Variants in MINDY3 observed in about 807,000 individuals in gnomAD.
The protein encoded by MINDY3 is ubiquitin carboxyl-terminal hydrolase MINDY-3.
Under a neutral mutation model 69.2 loss-of-function variants are expected in MINDY3, and 38 were observed. That is an observed-to-expected ratio of 0.55 (90% CI 0.42 to 0.72). The LOEUF is 0.72. Ranked by LOEUF, MINDY3 falls within the 30% of genes least tolerant of loss-of-function variation. MINDY3 has a pLI of 0.00. For missense variants in MINDY3, 522 were observed against 519.0 expected, an observed-to-expected ratio of 1.01 and a Z score of -0.06; for synonymous variants, 192 against 180.1, an observed-to-expected ratio of 1.07 and a Z score of -0.53.
In MINDY3 at chr10:15,786,711, A is replaced by G. The variant is rs903778490; in HGVS notation, c.1029-63T>C. On this transcript the variant is annotated intron_variant, in intron 12 of 14. Transcript: ENST00000277632. ...GAAAAAAAAAAGCTGCTTTTCTTTC[A>G]TGATTAAATTACTGGTACTACAACA... The G allele has an allele frequency of 2.7e-5, 27 of 982,768 alleles. No individual in the cohort carries two copies. The Admixed American group carries it at 3.2e-4, about 12-fold the overall frequency. 60.9% of individuals were successfully genotyped at this position (982,768 alleles called of 1,614,324 possible). A position where few individuals can be genotyped will look rare whatever the true frequency, so the allele number is the denominator to read the frequency against.
At chr10:15,849,092 T>C (rs1270718873) in intron 1 of MINDY3, among the ~76,000 whole-genome samples, 1 of 152,176 alleles carries the variant, frequency 6.6e-6, no homozygotes, top group East Asian at 1.9e-4. Flanking sequence ...AATAAACTAA[T>C]GTTATAAGAG....
intron 13 of MINDY3, among the ~76,000 whole-genome samples, chr10:15,786,005 T>C (rs1256763348): frequency 1.3e-5 from 2 of 152,144 alleles, no homozygotes; most frequent in African/African-American, 2.4e-5. Flanking sequence ...GGGTATTGGA[T>C]ATAGAACTGG....
intron 13 of MINDY3, among the ~76,000 whole-genome samples, chr10:15,785,320 G>C (rs1010590073): frequency 6.6e-5 from 10 of 152,162 alleles, no homozygotes; most frequent in African/African-American, 2.4e-4. Flanking sequence ...AAAGAGAAGG[G>C]ACTAGAACCC....
intron 1 of MINDY3, among the ~76,000 whole-genome samples, chr10:15,849,161 C>T (rs1834087421): frequency 6.6e-6 from 1 of 152,190 alleles, no homozygotes; most frequent in Non-Finnish European, 1.5e-5. Context: ...TAACAGATAA[C>T]TTCCAGGCTC....
At chr10:15,787,536 T>C (rs1837067658) in intron 12 of MINDY3, among the ~76,000 whole-genome samples, 1 of 152,162 alleles carries the variant, frequency 6.6e-6, no homozygotes, top group African/African-American at 2.4e-5. Context: ...TCAGTTTGCC[T>C]CTTCGGTCTG....
intron 14 of MINDY3, among the ~76,000 whole-genome samples, chr10:15,781,800 G>GT (rs1836552709): frequency 6.6e-6 from 1 of 152,134 alleles, no homozygotes; most frequent in African/African-American, 2.4e-5. Flanking sequence ...ATTTTTTCCA[G>GT]TAAAAAGTCT....
At chr10:15,816,202 A>C (rs532584581) in intron 10 of MINDY3, among the ~76,000 whole-genome samples, 21 of 146,052 alleles carry the variant, frequency 1.4e-4, no homozygotes, top group Non-Finnish European at 3.0e-4. Context: ...CGTAGGTTGC[A>C]GTGAGGCGAG....
intron 10 of MINDY3, among the ~76,000 whole-genome samples, chr10:15,811,123 C>T (rs1838968931): frequency 1.3e-5 from 2 of 151,808 alleles, no homozygotes; most frequent in Admixed American, 1.3e-4. Context: ...CAAGCTTCGA[C>T]TTCTAAAGGA....
In MINDY3 at chr10:15,789,133, C is replaced by T. The variant is rs1837215035; in HGVS notation, c.1028+114G>A. The T allele has an allele frequency of 6.2e-6, 4 of 640,918 alleles. No individual in the cohort carries two copies. In the South Asian group the frequency reaches 8.4e-5, roughly 13 times the overall value. 39.7% of individuals were successfully genotyped at this position (640,918 alleles called of 1,614,324 possible). A position where few individuals can be genotyped will look rare whatever the true frequency, so the allele number is the denominator to read the frequency against. Reference sequence around the variant, plus strand: ...CTTAATCTTTGCCTTACATAGATTGCTATGCTTCATATATGCAGATATAGA... The same window carrying T: ...CTTAATCTTTGCCTTACATAGATTGTTATGCTTCATATATGCAGATATAGA... On this transcript the variant is annotated intron_variant, in intron 12 of 14. Transcript: ENST00000277632.
chr10:15,809,798 T>C (rs992971256), intron 10 of MINDY3, among the ~76,000 whole-genome samples: 14 of 152,170 alleles, frequency 9.2e-5, no homozygotes, highest in Admixed American at 5.2e-4. Flanking sequence ...CCAGACTCCT[T>C]AGGATACTAT....
rs1171558832 is a variant in MINDY3 at position 15,778,443 on chromosome 10, A to C, written c.*549T>G. 6.6e-6 allele frequency: 1 copy of C among 152,270 alleles called. No homozygotes were observed. The highest frequency in any genetic ancestry group is 1.5e-5 in the Non-Finnish European group (1 of 68,088). The allele number at this position is 152,270 out of a possible 1,614,324, so 9.4% of individuals were successfully genotyped here. A position where few individuals can be genotyped will look rare whatever the true frequency, so the allele number is the denominator to read the frequency against. On this transcript the variant is annotated 3_prime_UTR_variant, in exon 15 of 15. Coordinates refer to ENST00000277632, the MANE Select transcript of MINDY3 (RefSeq NM_024948.4). ...TGAATAAATGGTAATGGTCTCTTAG[A>C]GTTTCTACTTTTTGTGAACATGCCA...
intron 8 of MINDY3, among the ~76,000 whole-genome samples, chr10:15,828,781 C>G (rs143998828): frequency 1.3e-5 from 2 of 152,134 alleles, no homozygotes; most frequent in Non-Finnish European, 2.9e-5. Context: ...GAAAAAAATA[C>G]GTTTACTAAC....
intron 1 of MINDY3, 126 bp from the exon 2 acceptor site, chr10:15,848,069 G>A (rs1340896677): frequency 1.3e-6 from 1 of 743,230 alleles, no homozygotes; most frequent in Non-Finnish European, 2.3e-6. Flanking sequence ...AAATCATGAG[G>A]TGTGGATCAA....
intron 8 of MINDY3, among the ~76,000 whole-genome samples, chr10:15,831,676 T>TC (rs1840470374): frequency 6.9e-6 from 1 of 145,252 alleles, no homozygotes; most frequent in African/African-American, 2.6e-5. Flanking sequence ...TCCTTTTCTT[T>TC]TTTTTTTTTT....
chr10:15,782,050 G>A, intron 14 of MINDY3, 105 bp downstream of exon 14: 4 of 828,760 alleles, frequency 4.8e-6, no homozygotes, highest in East Asian at 5.2e-5. Context: ...GAGACTCCTG[G>A]AATAATCTTA....
chr10:15,803,488 G>A (rs1165376609), intron 10 of MINDY3, among the ~76,000 whole-genome samples: 1 of 152,040 alleles, frequency 6.6e-6, no homozygotes, highest in Non-Finnish European at 1.5e-5. Context: ...TACATAAAAT[G>A]GTTTAGTTAG....
At chr10:15,782,384 C>A (rs746462837) in intron 13 of MINDY3, 158 bp from the exon 14 acceptor site, 8 of 560,306 alleles carry the variant, frequency 1.4e-5, no homozygotes, top group Non-Finnish European at 2.1e-5. Context: ...TTGTAACTAC[C>A]AGAAAGCCCT....
At chr10:15,858,290 T>C (rs75872946) in intron 1 of MINDY3, among the ~76,000 whole-genome samples, 5,373 of 152,296 alleles carry the variant, frequency 0.035, 288 homozygotes, top group African/African-American at 0.12. Flanking sequence ...ATGGTACTGA[T>C]GGAACTAATC....
intron 1 of MINDY3, among the ~76,000 whole-genome samples, chr10:15,852,537 A>T (rs1834377850): frequency 6.6e-6 from 1 of 152,196 alleles, no homozygotes; most frequent in African/African-American, 2.4e-5. Context: ...ACTGATAAAC[A>T]TTAGAAGGAT....
Sources: gnomAD v4.1 joint callset for allele counts (sites outside exome capture counted in the v4.1 genomes callset) on GRCh38, gnomAD v4.1.1 for gene constraint, MANE v1.5 for transcripts, NCBI Gene and HGNC (gene_info 2026-07-23, HGNC 2026-07-21) for gene names.